The following LRP6 variants were observed in gnomAD, a reference collection of about 807,000 sequenced individuals.
The protein encoded by LRP6 is low-density lipoprotein receptor-related protein 6.
In LRP6, 43 loss-of-function variants were observed where a neutral mutation model predicts 184.1. The observed-to-expected ratio is 0.23, with a 90% CI of 0.18 to 0.30. The LOEUF is 0.30. Among genes scored for constraint, LRP6 ranks in the 10% least tolerant of loss-of-function variants. LRP6 has a pLI of 1.00. For missense variants in LRP6, 1,571 were observed against 2,005.3 expected, an observed-to-expected ratio of 0.78 and a Z score of 4.14; for synonymous variants, 719 against 684.9, an observed-to-expected ratio of 1.05 and a Z score of -0.78.
At chr12:12,224,571 G>A (rs1591963536) in intron 2 of LRP6, among the ~76,000 whole-genome samples, 1 of 152,000 alleles carries the variant, frequency 6.6e-6, no homozygotes, top group African/African-American at 2.4e-5. Flanking sequence ...TTTTACAACC[G>A]AGTTCTCTAA....
At chr12:12,136,002 C>G (rs925452336) in intron 16 of LRP6, among the ~76,000 whole-genome samples, 73 of 151,946 alleles carry the variant, frequency 4.8e-4, no homozygotes, top group African/African-American at 1.5e-3. Flanking sequence ...CTGGGCAACA[C>G]AGTGAAATCC....
intron 5 of LRP6, among the ~76,000 whole-genome samples, chr12:12,182,771 G>A (rs1214604662): frequency 6.6e-6 from 1 of 152,212 alleles, no homozygotes; most frequent in African/African-American, 2.4e-5. Context: ...ACCAAAAGGA[G>A]CCAGCCTAGA....
In LRP6 at chr12:12,164,478, A is replaced by G; in HGVS notation, c.1847T>C (p.Ile616Thr). ...RPQGLRCACPIGFELISDMKT... is the reference protein window; with the variant it reads ...RPQGLRCACPTGFELISDMKT... ...CATGTCACTGATGAGTTCAAAGCCA[A>G]TAGGGCAAGCACAGCGAAGGCCCTG... Residue 616 changes from isoleucine (I) to threonine (T), a missense_variant, in exon 9 of 23, where the codon ATT becomes ACT. By Grantham distance (89) the Ile-to-Thr change is moderately conservative (BLOSUM62 -1). This residue lies in a region of LRP6 where 640 missense variants were observed against 851.9 expected (regional missense o/e 0.75). Coordinates refer to ENST00000261349, the MANE Select transcript of LRP6 (RefSeq NM_002336.3). 6.2e-7 allele frequency: 1 copy of G among 1,614,218 alleles called. No homozygotes were observed. The highest frequency in any genetic ancestry group is 2.2e-5 in the East Asian group (1 of 44,884).
chr12:12,159,249 C>T (rs1231249706), intron 11 of LRP6, 94 bp from the exon 12 acceptor site: 2 of 907,810 alleles, frequency 2.2e-6, no homozygotes, highest in Non-Finnish European at 3.5e-6. Flanking sequence ...AAAAAAAGCC[C>T]TAACATATAA....
At chr12:12,251,415 GAGCAGTGGTGGGATCTC>G (rs1273862064) in intron 1 of LRP6, among the ~76,000 whole-genome samples, 1 of 152,004 alleles carries the variant, frequency 6.6e-6, no homozygotes, top group African/African-American at 2.4e-5. Flanking sequence ...CCAGGCTGGA[GAGCAGTGGTGGGATCTC>G]AGCTCACTGC....
intron 1 of LRP6, among the ~76,000 whole-genome samples, chr12:12,252,258 TC>T (rs1865342230): frequency 1.3e-5 from 2 of 152,316 alleles, no homozygotes; most frequent in South Asian, 4.1e-4. Context: ...TGGCCCATGA[TC>T]CTATTTAATC....
At chr12:12,203,814 G>A (rs1404449434) in intron 2 of LRP6, among the ~76,000 whole-genome samples, 2 of 151,906 alleles carry the variant, frequency 1.3e-5, no homozygotes, top group Admixed American at 1.3e-4. Context: ...CTCATTTTAG[G>A]GACACTAAAA....
chr12:12,196,544 T>C (rs1863767048), intron 3 of LRP6, among the ~76,000 whole-genome samples: 1 of 152,172 alleles, frequency 6.6e-6, no homozygotes, highest in African/African-American at 2.4e-5. Flanking sequence ...TTTGTGTTGA[T>C]TTTGTATCCT....
intron 1 of LRP6, 108 bp from the exon 2 acceptor site, chr12:12,244,763 A>G: frequency 3.1e-6 from 3 of 980,522 alleles, no homozygotes; most frequent in Non-Finnish European, 4.5e-6. Context: ...CGAAAATAAG[A>G]AAAGAATAAA....
chr12:12,121,273 T>C lies in LRP6; in HGVS notation c.4695A>G (p.Glu1565=), dbSNP rs1358272798. Residue 1565 remains glutamate (E), a synonymous_variant, in exon 23 of 23, where the codon GAA becomes GAG. Transcript: ENST00000261349. ...GGGGTGTGGGAGGTGGGGGCACAGG[T>C]TCTGAATCATAGTTCAAGTCACTGG... is the stretch of plus-strand genomic sequence containing the variant. ...GYTSDLNYDS[E]PVPPPPTPRS... The C allele has an allele frequency of 1.2e-6, 2 of 1,614,084 alleles. No homozygotes were observed. The highest frequency in any genetic ancestry group is 1.7e-6 in the Non-Finnish European group (2 of 1,180,020).
chr12:12,204,799 T>TA (rs1864008974), intron 2 of LRP6, among the ~76,000 whole-genome samples: 1 of 122,350 alleles, frequency 8.2e-6, no homozygotes, highest in African/African-American at 3.1e-5. Context: ...CTACTAAAAA[T>TA]ACAAAAAAAA....
rs369068209 is a variant in LRP6, at chr12:12,138,309, T to C, written c.3607+16A>G. Reference sequence around the variant, plus strand: ...CACATGATTCCTCCAATTAGCTTTATCCCATTAACACTTACTGTATTCTTG... The same window carrying C: ...CACATGATTCCTCCAATTAGCTTTACCCCATTAACACTTACTGTATTCTTG... On this transcript the variant is annotated intron_variant, in intron 16 of 22. Coordinates refer to ENST00000261349, the MANE Select transcript of LRP6 (RefSeq NM_002336.3). The C allele has an allele frequency of 1.9e-6, 3 of 1,590,234 alleles. No homozygotes were observed. Among genetic ancestry groups the C allele is most frequent in the Admixed American group, 1.7e-5 (1 of 59,992 alleles).
chr12:12,148,805 A>G, intron 14 of LRP6, 137 bp downstream of exon 14: 2 of 764,912 alleles, frequency 2.6e-6, no homozygotes, highest in Admixed American at 1.8e-5. Flanking sequence ...AAGATAATGC[A>G]GAAACAAACT....
At chr12:12,147,327 A>G (rs1846553049) in intron 15 of LRP6, 39 bp downstream of exon 15, 3 of 1,603,308 alleles carry the variant, frequency 1.9e-6, no homozygotes, top group Non-Finnish European at 2.6e-6. Context: ...ATCATCTTAA[A>G]AACTCAAATT....
chr12:12,199,000 G>A (rs1360680618), intron 3 of LRP6, among the ~76,000 whole-genome samples: 1 of 152,042 alleles, frequency 6.6e-6, no homozygotes, highest in Non-Finnish European at 1.5e-5. Flanking sequence ...CATCTACCAT[G>A]TTAAAATGTG....
chr12:12,135,759 T>C (rs904958731), intron 16 of LRP6, among the ~76,000 whole-genome samples: 3 of 151,944 alleles, frequency 2.0e-5, no homozygotes, highest in African/African-American at 7.2e-5. Context: ...ACTCAATCTC[T>C]ACACAACCTA....
chr12:12,250,901 C>G (rs908552877), intron 1 of LRP6, among the ~76,000 whole-genome samples: 1 of 151,140 alleles, frequency 6.6e-6, no homozygotes, highest in Non-Finnish European at 1.5e-5. Context: ...GGGTAACAGA[C>G]GTGAGCCAAC....
intron 7 of LRP6, among the ~76,000 whole-genome samples, chr12:12,175,497 C>T (rs1483811492): frequency 6.6e-6 from 1 of 151,942 alleles, no homozygotes; most frequent in Non-Finnish European, 1.5e-5. Flanking sequence ...ACCAGCCTGG[C>T]TAACACAGTG....
At chr12:12,165,923 G>A (rs2136954024) in intron 7 of LRP6, among the ~76,000 whole-genome samples, 1 of 152,226 alleles carries the variant, frequency 6.6e-6, no homozygotes, top group African/African-American at 2.4e-5. Flanking sequence ...TAAGTTTCAA[G>A]AAACTAGGAT....
Sources: allele counts gnomAD v4.1 joint callset (sites outside exome capture counted in the v4.1 genomes callset), GRCh38; gene constraint gnomAD v4.1.1; regional missense constraint gnomAD v4.1.1; transcripts MANE v1.5; gene names NCBI Gene and HGNC (gene_info 2026-07-23, HGNC 2026-07-21).